The following SAMD5 variants were observed in gnomAD, a reference collection of about 807,000 sequenced individuals.
The protein encoded by SAMD5 is sterile alpha motif domain containing 5, also known as sterile alpha motif domain-containing protein 5.
Under a neutral mutation model 11.3 loss-of-function variants are expected in SAMD5, and 13 were observed. That is an observed-to-expected ratio of 1.15 (90% CI 0.75 to 1.83). The LOEUF (loss-of-function observed/expected upper bound fraction) is 1.83. SAMD5 is among the 40% of genes most tolerant of loss of function. SAMD5 has a pLI of 0.00. For synonymous variants in SAMD5, 129 were observed against 111.3 expected, an observed-to-expected ratio of 1.16 and a Z score of -1.00; for missense variants, 255 against 239.1, an observed-to-expected ratio of 1.07 and a Z score of -0.44.
At chr6:147,516,143 A>G (rs1476919882) in intron 1 of SAMD5, among the ~76,000 whole-genome samples, 2 of 152,174 alleles carry the variant, frequency 1.3e-5, no homozygotes, top group Non-Finnish European at 2.9e-5. Context: ...AGGTATTAAG[A>G]GGTATTGTAG....
At chr6:147,658,261 A>G (rs1790598118) in intron 1 of SAMD5, among the ~76,000 whole-genome samples, 1 of 152,170 alleles carries the variant, frequency 6.6e-6, no homozygotes, top group Non-Finnish European at 1.5e-5. Flanking sequence ...TCTGGGAATC[A>G]GTATTATTTC....
At chr6:147,544,732 A>T (rs1451101131) in intron 1 of SAMD5, among the ~76,000 whole-genome samples, 2 of 152,050 alleles carry the variant, frequency 1.3e-5, no homozygotes, top group Non-Finnish European at 2.9e-5. Context: ...TTTTTACTCT[A>T]TTTTTTGCAT....
intron 1 of SAMD5, among the ~76,000 whole-genome samples, chr6:147,523,701 C>A (rs1400838184): frequency 6.6e-6 from 1 of 152,112 alleles, no homozygotes; most frequent in African/African-American, 2.4e-5. Context: ...ATCCATGGAG[C>A]AATTCTTAGG....
intron 1 of SAMD5, among the ~76,000 whole-genome samples, chr6:147,533,990 C>A (rs1374067069): frequency 6.6e-6 from 1 of 152,200 alleles, no homozygotes; most frequent in Non-Finnish European, 1.5e-5. Flanking sequence ...CACAGTCAAG[C>A]CAAGTCGACA....
intron 1 of SAMD5, among the ~76,000 whole-genome samples, chr6:147,686,953 T>C (rs1192162395): frequency 6.6e-6 from 1 of 152,136 alleles, no homozygotes. Flanking sequence ...TACATAGGTA[T>C]ATTCTTTACA....
intron 1 of SAMD5, among the ~76,000 whole-genome samples, chr6:147,514,478 T>C (rs1419718007): frequency 6.6e-6 from 1 of 151,298 alleles, no homozygotes; most frequent in African/African-American, 2.5e-5. Flanking sequence ...CATGATGGAA[T>C]GTATAGGATT....
chr6:147,589,055 G>T (rs844564), intron 1 of SAMD5, among the ~76,000 whole-genome samples: 108,665 of 151,682 alleles, frequency 0.72, 39,252 homozygotes, highest in African/African-American at 0.79. Context: ...CCTCCTGGGC[G>T]CAAGTGATCC....
At chr6:147,679,534 AT>A (rs1478416600) in intron 1 of SAMD5, among the ~76,000 whole-genome samples, 2 of 152,052 alleles carry the variant, frequency 1.3e-5, no homozygotes, top group Non-Finnish European at 1.5e-5. Context: ...TCCACAATGA[AT>A]TTATGTATTC....
At chr6:147,651,922 G>A (rs142546825) in intron 1 of SAMD5, among the ~76,000 whole-genome samples, 120 of 151,758 alleles carry the variant, frequency 7.9e-4, no homozygotes, top group Middle Eastern at 3.4e-3. Context: ...ACCCAGGCCC[G>A]CACAGAGTGG....
intron 1 of SAMD5, chr6:147,729,863 T>A (rs1791684191): frequency 4.4e-6 from 2 of 455,564 alleles, no homozygotes; most frequent in Non-Finnish European, 8.8e-6. Context: ...GGCAGGTGGA[T>A]CACCTGAGGT....
At chr6:147,552,163 T>A (rs771861772) in intron 1 of SAMD5, among the ~76,000 whole-genome samples, 6 of 152,126 alleles carry the variant, frequency 3.9e-5, no homozygotes, top group Non-Finnish European at 5.9e-5. Flanking sequence ...TTTGCTGCAG[T>A]GAGACAGATT....
chr6:147,835,182 G>A, the SAMD5 span, among the ~76,000 whole-genome samples: 1 of 146,158 alleles, frequency 6.8e-6, no homozygotes, highest in African/African-American at 2.6e-5. Context: ...GCAGTGAGCT[G>A]AGATTGCACC....
At chr6:147,707,697 G>A (rs1791342459) in intron 1 of SAMD5, among the ~76,000 whole-genome samples, 1 of 152,288 alleles carries the variant, frequency 6.6e-6, no homozygotes, top group Middle Eastern at 3.4e-3. Flanking sequence ...CTAGATTGCA[G>A]GGTCAAGTTT....
chr6:147,760,703 G>A, the SAMD5 span, among the ~76,000 whole-genome samples: 22 of 152,186 alleles, frequency 1.4e-4, no homozygotes, highest in African/African-American at 5.3e-4. Flanking sequence ...AAATAAGACA[G>A]TGTAGGCAAC....
chr6:147,845,542 A>T, the SAMD5 span, among the ~76,000 whole-genome samples: 1 of 152,168 alleles, frequency 6.6e-6, no homozygotes, highest in Non-Finnish European at 1.5e-5. Flanking sequence ...AAACTCAACA[A>T]TTTTAAAAAA....
At chr6:147,685,512 T>C (rs1790996784) in intron 1 of SAMD5, among the ~76,000 whole-genome samples, 1 of 152,204 alleles carries the variant, frequency 6.6e-6, no homozygotes, top group Non-Finnish European at 1.5e-5. Context: ...AGTCGCTTCC[T>C]CTGGGACATC....
chr6:147,773,186 C>T, the SAMD5 span, among the ~76,000 whole-genome samples: 1 of 152,210 alleles, frequency 6.6e-6, no homozygotes, highest in Non-Finnish European at 1.5e-5. Flanking sequence ...ATGTGGAAAT[C>T]TTGGGGTACA....
At chr6:147,540,230 A>G (rs1788578504) in intron 1 of SAMD5, among the ~76,000 whole-genome samples, 1 of 152,204 alleles carries the variant, frequency 6.6e-6, no homozygotes, top group Non-Finnish European at 1.5e-5. Context: ...ACCGGAAAGG[A>G]ATCATTCCGG....
intron 1 of SAMD5, among the ~76,000 whole-genome samples, chr6:147,519,704 A>C (rs1788222467): frequency 6.6e-6 from 1 of 152,200 alleles, no homozygotes; most frequent in South Asian, 2.1e-4. Context: ...AGGACTCTTT[A>C]GTCAAGTATG....
Sources: gnomAD v4.1 joint callset for allele counts (sites outside exome capture counted in the v4.1 genomes callset) on GRCh38, gnomAD v4.1.1 for gene constraint, MANE v1.5 for transcripts, NCBI Gene and HGNC (gene_info 2026-07-23, HGNC 2026-07-21) for gene names.